The following NXPE2 variants were observed in gnomAD, a reference collection of about 807,000 sequenced individuals.
The protein encoded by NXPE2 is neurexophilin and PC-esterase domain family member 2.
NXPE2 carries 34 observed loss-of-function variants against 34.4 expected under a neutral mutation model. That is an observed-to-expected ratio of 0.99 (90% CI 0.75 to 1.31). The LOEUF (loss-of-function observed/expected upper bound fraction) is 1.31, where lower values mean the gene tolerates loss of function less well. Among genes scored for constraint, NXPE2 ranks in the 40% most tolerant of loss-of-function variants. The probability of loss-of-function intolerance (pLI) is 0.00; values close to 1 mark genes in which losing one functional copy is unlikely to be tolerated. For missense variants in NXPE2, 649 were observed against 672.5 expected, an observed-to-expected ratio of 0.97 and a Z score of 0.39; for synonymous variants, 235 against 231.3, an observed-to-expected ratio of 1.02 and a Z score of -0.15.
At chr11:114,730,542 G>A in the NXPE2 span, among the ~76,000 whole-genome samples, 1 of 152,092 alleles carries the variant, frequency 6.6e-6, no homozygotes, top group African/African-American at 2.4e-5. Flanking sequence ...AGCATGGACT[G>A]TTTTTCTATT....
At chr11:114,694,844 G>T (rs1258328570) in intron 2 of NXPE2, among the ~76,000 whole-genome samples, 3 of 62,774 alleles carry the variant, frequency 4.8e-5, no homozygotes, top group Non-Finnish European at 1.2e-4. Flanking sequence ...TGCTTGTTTT[G>T]TATTTTTTTT....
chr11:114,722,227 C>G, the NXPE2 span, among the ~76,000 whole-genome samples: 1 of 152,042 alleles, frequency 6.6e-6, no homozygotes, highest in Non-Finnish European at 1.5e-5. Context: ...GAGCAGTTTC[C>G]CCCATGCTGT....
the NXPE2 span, among the ~76,000 whole-genome samples, chr11:114,753,394 GA>G: frequency 0.31 from 46,220 of 150,946 alleles, 7,739 homozygotes; most frequent in East Asian, 0.43. Flanking sequence ...CCCTGTCTTA[GA>G]AAAAAAAATG....
the NXPE2 span, among the ~76,000 whole-genome samples, chr11:114,547,769 G>T: frequency 1.3e-5 from 2 of 152,032 alleles, no homozygotes; most frequent in African/African-American, 4.8e-5. Context: ...ATGGCACCCT[G>T]GATGGGATTG....
At chr11:114,603,355 A>C in the NXPE2 span, among the ~76,000 whole-genome samples, 3 of 150,634 alleles carry the variant, frequency 2.0e-5, no homozygotes, top group Non-Finnish European at 4.4e-5. Flanking sequence ...GGTAACTCCT[A>C]TTACCTGACG....
the NXPE2 span, among the ~76,000 whole-genome samples, chr11:114,729,202 C>T: frequency 0.025 from 3,776 of 152,116 alleles, 157 homozygotes; most frequent in African/African-American, 0.086. Context: ...AGTTGCTTAG[C>T]GTAATGGCCT....
the NXPE2 span, among the ~76,000 whole-genome samples, chr11:114,770,002 G>T: frequency 1.3e-5 from 2 of 152,152 alleles, no homozygotes; most frequent in Non-Finnish European, 2.9e-5. Flanking sequence ...ATAATAATTT[G>T]TTCCATGAAA....
chr11:114,698,736 A>C lies in NXPE2; in HGVS notation c.824A>C (p.Asn275Thr). Residue 275 changes from asparagine to threonine, a missense_variant, in exon 3 of 6, where the codon AAT becomes ACT. Transcript: ENST00000389586. ...ALTHMTTRTR[N>T]ISYLSKEEWR... Reference sequence around the variant, plus strand: ...ACCCACATGACCACTAGGACAAGAAATATTTCCTATCTTAGCAAGGAAGAA... The same window carrying C: ...ACCCACATGACCACTAGGACAAGAACTATTTCCTATCTTAGCAAGGAAGAA... 6.2e-7 allele frequency: 1 copy of C among 1,603,656 alleles called. No homozygotes were observed. The highest frequency in any genetic ancestry group is 8.5e-7 in the Non-Finnish European group (1 of 1,174,896).
the NXPE2 span, among the ~76,000 whole-genome samples, chr11:114,572,135 G>A: frequency 3.9e-5 from 6 of 152,148 alleles, no homozygotes; most frequent in East Asian, 9.7e-4. Context: ...ACTGGGTTGC[G>A]AGACTCAGGA....
the NXPE2 span, among the ~76,000 whole-genome samples, chr11:114,621,872 T>C: frequency 2.6e-5 from 4 of 151,206 alleles, no homozygotes; most frequent in African/African-American, 9.7e-5. Context: ...CACTGTTACC[T>C]GCTGGATAAT....
the NXPE2 span, among the ~76,000 whole-genome samples, chr11:114,548,490 T>C: frequency 2.0e-5 from 3 of 152,066 alleles, no homozygotes; most frequent in East Asian, 5.8e-4. Context: ...AATGCAGGTA[T>C]TTAATAGAGA....
chr11:114,632,956 A>G, the NXPE2 span, among the ~76,000 whole-genome samples: 1 of 101,772 alleles, frequency 9.8e-6, no homozygotes, highest in Admixed American at 1.6e-4. Flanking sequence ...ATGATATTTT[A>G]TATAATTATA....
At chr11:114,560,450 A>G in the NXPE2 span, among the ~76,000 whole-genome samples, 2 of 151,638 alleles carry the variant, frequency 1.3e-5, no homozygotes, top group African/African-American at 4.8e-5. Flanking sequence ...TGTATTTTGT[A>G]GAGATGGGGT....
the NXPE2 span, among the ~76,000 whole-genome samples, chr11:114,727,246 T>A: frequency 0.025 from 3,774 of 152,184 alleles, 156 homozygotes; most frequent in African/African-American, 0.086. Context: ...AAGTCTGAGA[T>A]CAGGGTGTCA....
the NXPE2 span, among the ~76,000 whole-genome samples, chr11:114,594,320 C>A: frequency 6.6e-6 from 1 of 151,784 alleles, no homozygotes; most frequent in Non-Finnish European, 1.5e-5. Flanking sequence ...TACTTTGTAC[C>A]CACAAAAATT....
In NXPE2 at chr11:114,706,848, T is replaced by C; in HGVS notation, c.1598T>C (p.Ile533Thr). The change falls in exon 6 of 6, where the codon ATT (isoleucine) becomes ACT (threonine). Residue 533 changes from isoleucine (I) to threonine (T), a missense_variant. Ile to Thr is a moderately conservative substitution (Grantham distance 89, BLOSUM62 -1). Transcript: ENST00000389586. The part of the protein sequence containing the change: ...VGIIDAWDMT[I>T]AYCTNNAHPP... ...ATTATTGATGCCTGGGACATGACGATTGCATATTGCACCAACAATGCCCAT... is the reference window on the plus strand; with the variant it reads ...ATTATTGATGCCTGGGACATGACGACTGCATATTGCACCAACAATGCCCAT... The C allele has an allele frequency of 6.4e-7, 1 of 1,552,066 alleles. No individual in the cohort carries two copies. Among genetic ancestry groups the C allele is most frequent in the Non-Finnish European group, 8.7e-7 (1 of 1,146,934 alleles).
chr11:114,582,075 A>AT, the NXPE2 span, among the ~76,000 whole-genome samples: 5 of 152,204 alleles, frequency 3.3e-5, no homozygotes, highest in African/African-American at 7.2e-5. Context: ...TTCTGTATAT[A>AT]TTTTTTTCCC....
chr11:114,639,426 A>C, the NXPE2 span, among the ~76,000 whole-genome samples: 1 of 151,754 alleles, frequency 6.6e-6, no homozygotes, highest in Non-Finnish European at 1.5e-5. Flanking sequence ...TTCCTGAGTG[A>C]GGCAATGCCA....
At chr11:114,601,953 T>C in the NXPE2 span, among the ~76,000 whole-genome samples, 1 of 82,312 alleles carries the variant, frequency 1.2e-5, no homozygotes, top group Non-Finnish European at 2.1e-5. Context: ...TAATTATATA[T>C]AATATTATAT....
Sources: gnomAD v4.1 joint callset for allele counts (sites outside exome capture counted in the v4.1 genomes callset) on GRCh38, gnomAD v4.1.1 for gene constraint, MANE v1.5 for transcripts, NCBI Gene and HGNC (gene_info 2026-07-23, HGNC 2026-07-21) for gene names.